The following MPRIP variants were observed in gnomAD, a reference collection of about 807,000 sequenced individuals.
The protein encoded by MPRIP is myosin phosphatase Rho interacting protein.
In MPRIP, 59 loss-of-function variants were observed where a neutral mutation model predicts 234.9. That is an observed-to-expected ratio of 0.25 (90% CI 0.20 to 0.31). The LOEUF is 0.31. MPRIP is among the 10% of genes least tolerant of loss of function. The pLI, the probability that MPRIP is intolerant of heterozygous loss-of-function variation, is 1.00. For missense variants in MPRIP, 2,436 were observed against 3,071.0 expected, an observed-to-expected ratio of 0.79 and a Z score of 4.89; for synonymous variants, 1,144 against 1,263.9, an observed-to-expected ratio of 0.91 and a Z score of 2.01.
At position 17,167,982 on chromosome 17, in the gene MPRIP, TG is replaced by T; in HGVS notation, c.6324+69del. On this transcript the variant is annotated intron_variant, in intron 16 of 23. Coordinates refer to ENST00000651222, the MANE Select transcript of MPRIP (RefSeq NM_001364716.4). The surrounding 1 kb of genome is among the most constrained non-coding windows in gnomAD (Gnocchi z 5.9). ...ATAATGGGGTGGGTGTGGGGACGTC[TG>T]GCTCAGCTACCGTGCAGGCAGAATT... 8.4e-7 allele frequency: 1 copy of T among 1,188,622 alleles called. No homozygotes were observed. The highest frequency in any genetic ancestry group is 1.1e-6 in the Non-Finnish European group (1 of 910,546). 73.6% of individuals were successfully genotyped at this position (1,188,622 alleles called of 1,614,324 possible).
chr17:17,078,186 G>A lies in MPRIP; in HGVS notation c.267+110G>A. On this transcript the variant is annotated intron_variant, in intron 3 of 23. Transcript: ENST00000651222. The surrounding 1 kb of genome is among the most constrained non-coding windows in gnomAD (Gnocchi z 4.3). ...ACAGCAGCCATGTGCTCCTGCTTGT[G>A]TCTGTTTGGGAGTGTGGAATGTTTT... is the stretch of plus-strand genomic sequence containing the variant. 1 of 1,157,442 alleles carries A rather than the reference G, an allele frequency of 8.6e-7. No homozygotes were observed. The highest frequency in any genetic ancestry group is 2.4e-5 in the East Asian group (1 of 41,344). 71.7% of individuals were successfully genotyped at this position (1,157,442 alleles called of 1,614,324 possible). A position where few individuals can be genotyped will look rare whatever the true frequency, so the allele number is the denominator to read the frequency against.
rs2046601026 is a variant in MPRIP, at chr17:17,192,190, AAAG to A, written c.*7300_*7302del. ...TCACAAACGTTCTGTCACATGATGAAAAGAAGCAGCTTGTATAATTCCAACTGG... is the reference window on the plus strand; with the variant it reads ...TCACAAACGTTCTGTCACATGATGAAAAGCAGCTTGTATAATTCCAACTGG... On this transcript the variant is annotated 3_prime_UTR_variant, in exon 24 of 24. Transcript: ENST00000651222. The A allele has an allele frequency of 1.3e-5, 2 of 152,182 alleles. No homozygotes were observed. The highest frequency in any genetic ancestry group is 1.3e-4 in the Admixed American group (2 of 15,272). 9.4% of individuals were successfully genotyped at this position (152,182 alleles called of 1,614,324 possible).
At chr17:17,140,479 T>A (rs983530346) in intron 7 of MPRIP, among the ~76,000 whole-genome samples, 8 of 152,204 alleles carry the variant, frequency 5.3e-5, no homozygotes, top group African/African-American at 1.9e-4. Context: ...TTCTGAGGCC[T>A]GCTCACTGGA....
At chr17:17,184,800 C>T (rs373503948) in intron 23 of MPRIP, 23 bp from the exon 24 acceptor site, 4 of 1,598,138 alleles carry the variant, frequency 2.5e-6, no homozygotes, top group East Asian at 2.2e-5. Context: ...TTTATTTTCT[C>T]CTCCTGCTCT....
intron 3 of MPRIP, among the ~76,000 whole-genome samples, chr17:17,101,193 C>T (rs977286807): frequency 3.3e-5 from 5 of 152,198 alleles, no homozygotes; most frequent in Admixed American, 3.3e-4. Flanking sequence ...AAAGTATCTT[C>T]CTGGTCTCAG....
intron 1 of MPRIP, among the ~76,000 whole-genome samples, chr17:17,050,140 C>T (rs566058952): frequency 6.6e-6 from 1 of 152,014 alleles, no homozygotes; most frequent in African/African-American, 2.4e-5. Context: ...ACGGTGAAAC[C>T]CTGTCTCTAC....
chr17:17,064,666 C>T (rs7223583), intron 1 of MPRIP, among the ~76,000 whole-genome samples: 12,550 of 152,162 alleles, frequency 0.082, 729 homozygotes, highest in East Asian at 0.16. Context: ...TTGAGATTGG[C>T]TTTTTTCACC....
intron 3 of MPRIP, among the ~76,000 whole-genome samples, chr17:17,119,062 T>C (rs2090338817): frequency 6.6e-6 from 1 of 152,146 alleles, no homozygotes; most frequent in Non-Finnish European, 1.5e-5. Context: ...TGAGCCCTGC[T>C]CCTGTGTTGT....
In MPRIP at chr17:17,187,000, C is replaced by T. The variant is rs1162775519; in HGVS notation, c.*2106C>T. On this transcript the variant is annotated 3_prime_UTR_variant, in exon 24 of 24. Coordinates refer to ENST00000651222, the MANE Select transcript of MPRIP (RefSeq NM_001364716.4). ...CCGTTCTCTGAGGTCCACCACCTGCCCTTCCTGGCATGGTTTCCTTCGTGA... is the reference window on the plus strand; with the variant it reads ...CCGTTCTCTGAGGTCCACCACCTGCTCTTCCTGGCATGGTTTCCTTCGTGA... 1.3e-5 allele frequency: 2 copies of T among 152,242 alleles called. No homozygotes were observed. The highest frequency in any genetic ancestry group is 2.9e-5 in the Non-Finnish European group (2 of 68,066). 9.4% of individuals were successfully genotyped at this position (152,242 alleles called of 1,614,324 possible).
intron 9 of MPRIP, among the ~76,000 whole-genome samples, chr17:17,145,109 C>T (rs1414762640): frequency 6.6e-6 from 1 of 152,222 alleles, no homozygotes; most frequent in African/African-American, 2.4e-5. Context: ...TGTAGAGGGA[C>T]TTCTTATCTA....
chr17:17,137,817 C>G (rs1214100171), intron 6 of MPRIP, 99 bp from the exon 7 acceptor site: 1 of 1,068,910 alleles, frequency 9.4e-7, no homozygotes, highest in African/African-American at 1.6e-5. Context: ...GTGGAGAAGG[C>G]CCCTGCTTGG....
rs1183778208 is a variant in MPRIP, at chr17:17,167,906, G to A, written c.6315G>A (p.Glu2105=). 1 of 1,303,094 alleles carries A rather than the reference G, an allele frequency of 7.7e-7. No homozygotes were observed. The highest frequency in any genetic ancestry group is 1.0e-6 in the Non-Finnish European group (1 of 988,552). The allele number at this position is 1,303,094 out of a possible 1,614,324, so 80.7% of individuals were successfully genotyped here. Residue 2105 remains glutamate, a synonymous_variant, in exon 16 of 24, where the codon GAG becomes GAA. Coordinates refer to ENST00000651222, the MANE Select transcript of MPRIP (RefSeq NM_001364716.4). The surrounding 1 kb of genome is among the most constrained non-coding windows in gnomAD (Gnocchi z 5.9). ...TLREKYQRDL[E]SLKATCERGF... is the part of the protein sequence containing the mutation. ...GTGAGAAGTACCAGAGGGACTTGGA[G>A]AGCCTTAAGGTCTTAACGCCCCATT...
intron 13 of MPRIP, 129 bp from the exon 14 acceptor site, chr17:17,158,303 T>G: frequency 1.4e-6 from 1 of 716,142 alleles, no homozygotes; most frequent in Non-Finnish European, 2.2e-6. Flanking sequence ...CTTAGGAAGC[T>G]GGGATTAGGA....
intron 1 of MPRIP, among the ~76,000 whole-genome samples, chr17:17,058,489 G>A (rs1157120300): frequency 6.6e-6 from 1 of 151,008 alleles, no homozygotes; most frequent in Non-Finnish European, 1.5e-5. Flanking sequence ...TGGGGAGTGG[G>A]GACCCGGGGA....
In MPRIP at chr17:17,114,615, A is replaced by G. The variant is rs2090244765; in HGVS notation, c.268-12087A>G. Among the ~76,000 whole-genome samples the G allele has an allele frequency of 2.0e-5, 3 of 152,170 alleles. No individual in the cohort carries two copies. The South Asian group carries it at 6.2e-4, about 32-fold the overall frequency. ...GTGTAGTGTCACCCTTGGTTGGTGGATCCTGCTAGCTGACCATTGTGGTGG... is the reference window on the plus strand; with the variant it reads ...GTGTAGTGTCACCCTTGGTTGGTGGGTCCTGCTAGCTGACCATTGTGGTGG... On this transcript the variant is annotated intron_variant, in intron 3 of 23. Transcript: ENST00000651222.
chr17:17,108,359 A>G (rs1283397804), intron 3 of MPRIP, among the ~76,000 whole-genome samples: 1 of 152,226 alleles, frequency 6.6e-6, no homozygotes, highest in Non-Finnish European at 1.5e-5. Flanking sequence ...ACAGACAGCC[A>G]TCGGAGCCAA....
intron 7 of MPRIP, among the ~76,000 whole-genome samples, chr17:17,139,816 G>A (rs977309243): frequency 6.6e-6 from 1 of 152,234 alleles, no homozygotes; most frequent in African/African-American, 2.4e-5. Context: ...CTAGGGAAAG[G>A]AAGGGCAGCC....
At chr17:17,099,580 A>T (rs1222817486) in intron 3 of MPRIP, among the ~76,000 whole-genome samples, 3 of 152,206 alleles carry the variant, frequency 2.0e-5, no homozygotes, top group Admixed American at 6.5e-5. Context: ...TTTGAAAATT[A>T]GCTGGATGTG....
chr17:17,180,557 G>A (rs771798311), intron 23 of MPRIP: 47 of 1,548,740 alleles, frequency 3.0e-5, no homozygotes, highest in Non-Finnish European at 3.9e-5. Context: ...GCGGCACCGC[G>A]TGTGTTTGGG....
Sources: allele counts gnomAD v4.1 joint callset (sites outside exome capture counted in the v4.1 genomes callset), GRCh38; gene constraint gnomAD v4.1.1; non-coding constraint Gnocchi (gnomAD v3.1); transcripts MANE v1.5; gene names NCBI Gene and HGNC (gene_info 2026-07-23, HGNC 2026-07-21).